The following PRKG1 variants were observed in gnomAD, a reference collection of about 807,000 sequenced individuals.
The protein encoded by PRKG1 is protein kinase cGMP-dependent 1, also known as cGMP-dependent protein kinase 1.
A neutral mutation model predicts 88.1 loss-of-function variants in PRKG1; 35 were observed. That is an observed-to-expected ratio of 0.40 (90% CI 0.30 to 0.53). PRKG1 has a LOEUF of 0.53. Ranked by LOEUF, PRKG1 falls within the 20% of genes least tolerant of loss-of-function variation. The pLI, the probability that PRKG1 is intolerant of heterozygous loss-of-function variation, is 0.59. For missense variants in PRKG1, 540 were observed against 839.8 expected, an observed-to-expected ratio of 0.64 and a Z score of 4.41; for synonymous variants, 303 against 292.5, an observed-to-expected ratio of 1.04 and a Z score of -0.37.
chr10:52,181,269 A>G lies in PRKG1; in HGVS notation c.1076+19306A>G, dbSNP rs1052949458. ...ATGGCTTCTTAGCTAACTTAGGTAC[A>G]TGTCTCCTGGGGGTGGCCTGGGACA... On this transcript the variant is annotated intron_variant, in intron 9 of 17. Coordinates refer to ENST00000373980, the MANE Select transcript of PRKG1 (RefSeq NM_006258.4). 3.9e-5 allele frequency among the ~76,000 whole-genome samples: 6 copies of G among 152,054 alleles called. No individual in the cohort carries two copies. In the East Asian group the frequency reaches 5.8e-4, roughly 15 times the overall value.
chr10:51,556,228 T>G (rs1400430406), intron 3 of PRKG1, among the ~76,000 whole-genome samples: 2 of 152,042 alleles, frequency 1.3e-5, no homozygotes, highest in Non-Finnish European at 2.9e-5. Context: ...GTAAACAGAT[T>G]ATCATTCCTA....
intron 2 of PRKG1, among the ~76,000 whole-genome samples, chr10:51,280,798 C>A (rs191778126): frequency 6.6e-6 from 1 of 151,850 alleles, no homozygotes; most frequent in Non-Finnish European, 1.5e-5. Flanking sequence ...AGCTTCTTTG[C>A]GATGGGTTCG....
At chr10:51,711,317 G>T (rs993824025) in intron 3 of PRKG1, among the ~76,000 whole-genome samples, 1 of 151,890 alleles carries the variant, frequency 6.6e-6, no homozygotes, top group African/African-American at 2.4e-5. Flanking sequence ...TGTTAGCCAG[G>T]ATGGTCTCGA....
chr10:51,642,322 G>A (rs1170771763), intron 3 of PRKG1, among the ~76,000 whole-genome samples: 1 of 152,148 alleles, frequency 6.6e-6, no homozygotes, highest in Non-Finnish European at 1.5e-5. Flanking sequence ...GCTGGGAGAT[G>A]GAGGTTGCAG....
chr10:51,692,725 C>T (rs1841176581), intron 3 of PRKG1, among the ~76,000 whole-genome samples: 1 of 152,140 alleles, frequency 6.6e-6, no homozygotes, highest in East Asian at 1.9e-4. Flanking sequence ...ATCCTTCTGC[C>T]TCAACCTCCC....
chr10:51,046,778 A>AT (rs1465574554), intron 1 of PRKG1, among the ~76,000 whole-genome samples: 1 of 152,236 alleles, frequency 6.6e-6, no homozygotes, highest in African/African-American at 2.4e-5. Flanking sequence ...ATTAGGCATG[A>AT]TGGAGTCTTT....
chr10:51,749,218 GT>G (rs774495494), intron 3 of PRKG1, among the ~76,000 whole-genome samples: 23 of 152,070 alleles, frequency 1.5e-4, no homozygotes, highest in East Asian at 5.8e-4. Flanking sequence ...AAATGCTTAA[GT>G]TTTTTTTTAT....
At chr10:52,166,940 AAG>A (rs1838493826) in intron 9 of PRKG1, among the ~76,000 whole-genome samples, 1 of 149,274 alleles carries the variant, frequency 6.7e-6, no homozygotes, top group Admixed American at 6.7e-5. Flanking sequence ...AAGATAGAGA[AAG>A]AAAATGAAAA....
intron 8 of PRKG1, among the ~76,000 whole-genome samples, chr10:52,159,349 A>G (rs117872193): frequency 6.6e-6 from 1 of 151,600 alleles, no homozygotes; most frequent in African/African-American, 2.4e-5. Context: ...AATCAAGGAC[A>G]CTTAAGAAGA....
chr10:51,834,149 A>G (rs1840069795), intron 4 of PRKG1, among the ~76,000 whole-genome samples: 1 of 152,134 alleles, frequency 6.6e-6, no homozygotes, highest in Non-Finnish European at 1.5e-5. Flanking sequence ...CTTGTACTTT[A>G]GTCAGACGCT....
At chr10:51,259,745 C>T (rs555075412) in intron 2 of PRKG1, among the ~76,000 whole-genome samples, 38 of 152,150 alleles carry the variant, frequency 2.5e-4, no homozygotes, top group Non-Finnish European at 4.7e-4. Context: ...CAAAGTGCTG[C>T]GATTACAGGC....
chr10:52,240,209 C>A (rs559416080), intron 9 of PRKG1, among the ~76,000 whole-genome samples: 2 of 152,234 alleles, frequency 1.3e-5, no homozygotes, highest in South Asian at 4.1e-4. Context: ...AGTGATCAGT[C>A]GTATCAATAA....
intron 4 of PRKG1, among the ~76,000 whole-genome samples, chr10:51,889,757 G>A (rs1841669746): frequency 6.6e-6 from 1 of 152,078 alleles, no homozygotes; most frequent in South Asian, 2.1e-4. Context: ...ATTCTAACTG[G>A]TATGAGATGG....
At chr10:51,465,151 A>G (rs984945315) in intron 2 of PRKG1, among the ~76,000 whole-genome samples, 4 of 152,134 alleles carry the variant, frequency 2.6e-5, no homozygotes, top group African/African-American at 9.7e-5. Flanking sequence ...ACTCTTTCCT[A>G]TGGGGCGAAT....
intron 4 of PRKG1, among the ~76,000 whole-genome samples, chr10:51,874,278 C>A (rs1040865890): frequency 6.6e-6 from 1 of 152,178 alleles, no homozygotes; most frequent in Admixed American, 6.5e-5. Context: ...TTGCCTTGTG[C>A]ATCTTCAGCA....
At chr10:51,651,333 G>A (rs1268649584) in intron 3 of PRKG1, among the ~76,000 whole-genome samples, 1 of 152,008 alleles carries the variant, frequency 6.6e-6, no homozygotes, top group Non-Finnish European at 1.5e-5. Flanking sequence ...GTCCTCCTCT[G>A]ACACAACCTG....
At chr10:51,538,209 T>A (rs1286087229) in intron 3 of PRKG1, among the ~76,000 whole-genome samples, 2 of 152,012 alleles carry the variant, frequency 1.3e-5, no homozygotes, top group Non-Finnish European at 2.9e-5. Flanking sequence ...GTGCATAATT[T>A]CAACAATTGA....
chr10:51,298,623 G>A (rs1397392413), intron 2 of PRKG1, among the ~76,000 whole-genome samples: 1 of 152,158 alleles, frequency 6.6e-6, no homozygotes. Flanking sequence ...AAAACTATAA[G>A]CCTGGAGTCT....
chr10:51,051,545 T>A (rs1406540131), intron 1 of PRKG1, among the ~76,000 whole-genome samples: 4 of 152,094 alleles, frequency 2.6e-5, no homozygotes, highest in African/African-American at 7.2e-5. Context: ...TTCAGAAATC[T>A]TTTTTCTCTG....
Sources: gnomAD v4.1 joint callset for allele counts (sites outside exome capture counted in the v4.1 genomes callset) on GRCh38, gnomAD v4.1.1 for gene constraint, MANE v1.5 for transcripts, NCBI Gene and HGNC (gene_info 2026-07-23, HGNC 2026-07-21) for gene names.